The following ADAM23 variants were observed in gnomAD, a reference collection of about 807,000 sequenced individuals.
ADAM23 encodes disintegrin and metalloproteinase domain-containing protein 23.
ADAM23 carries 33 observed loss-of-function variants against 120.1 expected under a neutral mutation model. The observed-to-expected ratio is 0.27, with a 90% confidence interval of 0.21 to 0.37. ADAM23 has a LOEUF of 0.37. ADAM23 is among the 10% of genes least tolerant of loss of function. ADAM23 has a pLI of 1.00. For synonymous variants in ADAM23, 367 were observed against 375.2 expected, an observed-to-expected ratio of 0.98 and a Z score of 0.25; for missense variants, 862 against 1,058.2, an observed-to-expected ratio of 0.81 and a Z score of 2.57.
chr2:206,524,226 A>G (rs1696900798), intron 3 of ADAM23, among the ~76,000 whole-genome samples: 1 of 152,232 alleles, frequency 6.6e-6, no homozygotes, highest in South Asian at 2.1e-4. Flanking sequence ...TTGAACACAT[A>G]TGGAAGTAAC....
At chr2:206,567,365 C>T (rs781093753) in intron 15 of ADAM23, 43 bp downstream of exon 15, 3 of 1,534,630 alleles carry the variant, frequency 2.0e-6, no homozygotes, top group African/African-American at 2.7e-5. Flanking sequence ...TATTATTTCT[C>T]CAGTGTTTTA....
chr2:206,535,172 G>C (rs938536176), intron 4 of ADAM23, among the ~76,000 whole-genome samples: 3 of 152,120 alleles, frequency 2.0e-5, no homozygotes, highest in Non-Finnish European at 4.4e-5. Flanking sequence ...CTCTCCTCCA[G>C]TATAGCTCTA....
intron 10 of ADAM23, among the ~76,000 whole-genome samples, chr2:206,558,065 G>T (rs1373955412): frequency 6.6e-6 from 1 of 152,088 alleles, no homozygotes; most frequent in African/African-American, 2.4e-5. Flanking sequence ...TCCTTACAAA[G>T]ACTTCTAACT....
At chr2:206,459,452 A>G (rs1194776671) in intron 2 of ADAM23, among the ~76,000 whole-genome samples, 1 of 152,224 alleles carries the variant, frequency 6.6e-6, no homozygotes. Flanking sequence ...CTTGTCTGCC[A>G]TCAGATCTTA....
intron 8 of ADAM23, 46 bp downstream of exon 8, chr2:206,548,400 A>AG: frequency 6.4e-7 from 1 of 1,556,480 alleles, no homozygotes. Flanking sequence ...TACTCAATGA[A>AG]GTCATGTGCC....
rs1267006996 is a variant in ADAM23 at position 206,620,685 on chromosome 2, T to C, written c.*3058T>C. The C allele has an allele frequency of 6.6e-6, 1 of 152,170 alleles. No individual in the cohort carries two copies. Among genetic ancestry groups the C allele is most frequent in the Non-Finnish European group, 1.5e-5 (1 of 68,034 alleles). The allele number at this position is 152,170 out of a possible 1,614,324, so 9.4% of individuals were successfully genotyped here. ...CCCGGATGAGGAGACGTGCGCTAACTTCATTGCTCATCTGGGATAGTGCAT... is the reference window on the plus strand; with the variant it reads ...CCCGGATGAGGAGACGTGCGCTAACCTCATTGCTCATCTGGGATAGTGCAT... On this transcript the variant is annotated 3_prime_UTR_variant, in exon 26 of 26. Coordinates refer to ENST00000264377, the MANE Select transcript of ADAM23 (RefSeq NM_003812.4).
intron 3 of ADAM23, among the ~76,000 whole-genome samples, chr2:206,492,098 C>G (rs1696146279): frequency 6.6e-6 from 1 of 152,120 alleles, no homozygotes; most frequent in Non-Finnish European, 1.5e-5. Flanking sequence ...GGAGGAAAGA[C>G]AAATCTGTAG....
rs746406558 is a variant in ADAM23 at position 206,559,972 on chromosome 2, C to G, written c.1023C>G (p.Leu341=). ...NLVDSIYKEQ[L]NTRVVLVAVE... Reference sequence around the variant, plus strand: ...ACCCTCAGATTTACAAGGAGCAGCTCAACACCAGGGTTGTCCTGGTGGCTG... The same window carrying G: ...ACCCTCAGATTTACAAGGAGCAGCTGAACACCAGGGTTGTCCTGGTGGCTG... The change falls in exon 11 of 26, where the codon CTC becomes CTG. Residue 341 remains leucine, a synonymous_variant. Coordinates refer to ENST00000264377, the MANE Select transcript of ADAM23 (RefSeq NM_003812.4). 2 of 1,613,594 alleles carry G rather than the reference C, an allele frequency of 1.2e-6. No individual in the cohort carries two copies. Among genetic ancestry groups the G allele is most frequent in the South Asian group, 2.2e-5 (2 of 90,972 alleles).
chr2:206,556,698 CAT>C (rs773621692), intron 9 of ADAM23, among the ~76,000 whole-genome samples: 3 of 152,136 alleles, frequency 2.0e-5, no homozygotes, highest in South Asian at 2.1e-4. Flanking sequence ...CTTAAATAAA[CAT>C]AAACAATCAT....
chr2:206,539,695 A>C (rs1697251547), intron 4 of ADAM23, among the ~76,000 whole-genome samples: 1 of 152,098 alleles, frequency 6.6e-6, no homozygotes, highest in Non-Finnish European at 1.5e-5. Flanking sequence ...GTACTGGCCC[A>C]CTTCTGTTAT....
chr2:206,477,930 A>C (rs1048440595), intron 2 of ADAM23, among the ~76,000 whole-genome samples: 1 of 145,606 alleles, frequency 6.9e-6, no homozygotes, highest in Non-Finnish European at 1.5e-5. Flanking sequence ...ATAAAACAAC[A>C]ATGTGGTTTA....
At chr2:206,485,871 G>C (rs755688202) in intron 3 of ADAM23, among the ~76,000 whole-genome samples, 12 of 152,190 alleles carry the variant, frequency 7.9e-5, no homozygotes, top group South Asian at 4.1e-4. Context: ...CCTATCTGAG[G>C]AGGGAACCTG....
rs532100023 is a variant in ADAM23 at position 206,506,118 on chromosome 2, C to T, written c.510-24767C>T. On this transcript the variant is annotated intron_variant, in intron 3 of 25. Transcript: ENST00000264377. ...CAGACAAGACAAAATAATTTATTTC[C>T]TGTTAAATTAACATATGCCTCATAG... Among the ~76,000 whole-genome samples, 5 of 152,272 alleles carry T rather than the reference C, an allele frequency of 3.3e-5. No homozygotes were observed. The East Asian group carries it at 9.7e-4, about 29-fold the overall frequency.
chr2:206,614,279 G>A (rs966197899), intron 25 of ADAM23, among the ~76,000 whole-genome samples: 12 of 152,184 alleles, frequency 7.9e-5, no homozygotes, highest in Admixed American at 2.6e-4. Flanking sequence ...TCTGGCCTAC[G>A]TTCCATTTTA....
At chr2:206,591,030 G>GA (rs1330078418) in intron 21 of ADAM23, among the ~76,000 whole-genome samples, 1 of 152,060 alleles carries the variant, frequency 6.6e-6, no homozygotes, top group Admixed American at 6.5e-5. Flanking sequence ...TTTGAAACTT[G>GA]AAAAAATCAT....
chr2:206,575,440 G>C (rs1328405888), intron 18 of ADAM23, among the ~76,000 whole-genome samples: 1 of 152,132 alleles, frequency 6.6e-6, no homozygotes, highest in African/African-American at 2.4e-5. Flanking sequence ...TGGGTATTTA[G>C]ATTTTGGCAG....
intron 21 of ADAM23, 32 bp downstream of exon 21, chr2:206,589,546 G>A: frequency 6.4e-7 from 1 of 1,562,136 alleles, no homozygotes; most frequent in Non-Finnish European, 8.7e-7. Flanking sequence ...CATAGTCACT[G>A]GACTTGGAAG....
intron 2 of ADAM23, among the ~76,000 whole-genome samples, chr2:206,448,514 G>A (rs1261736311): frequency 6.6e-6 from 1 of 152,122 alleles, no homozygotes; most frequent in African/African-American, 2.4e-5. Flanking sequence ...TCTTTCATAT[G>A]CCAATGAGAT....
At chr2:206,581,189 A>ATTT (rs2105839967) in intron 18 of ADAM23, among the ~76,000 whole-genome samples, 2 of 151,670 alleles carry the variant, frequency 1.3e-5, no homozygotes, top group South Asian at 4.2e-4. Flanking sequence ...TATCTTATGT[A>ATTT]TTTTGTTGTT....
Sources: gnomAD v4.1 joint callset for allele counts (sites outside exome capture counted in the v4.1 genomes callset) on GRCh38, gnomAD v4.1.1 for gene constraint, MANE v1.5 for transcripts, NCBI Gene and HGNC (gene_info 2026-07-23, HGNC 2026-07-21) for gene names.